Variants in RHCG observed in about 807,000 individuals in gnomAD.
The protein encoded by RHCG is ammonium transporter Rh type C.
In RHCG, 39 loss-of-function variants were observed where a neutral mutation model predicts 55.3. The observed-to-expected ratio is 0.70, with a 90% CI of 0.55 to 0.92. RHCG has a LOEUF of 0.92. Among genes scored for constraint, RHCG ranks in the 40% least tolerant of loss-of-function variants. The pLI, the probability that RHCG is intolerant of heterozygous loss-of-function variation, is 0.00. For synonymous variants in RHCG, 250 were observed against 246.8 expected, an observed-to-expected ratio of 1.01 and a Z score of -0.12; for missense variants, 635 against 627.9, an observed-to-expected ratio of 1.01 and a Z score of -0.12.
At chr15:89,486,377 C>G in intron 2 of RHCG, 1 of 456,802 alleles carries the variant, frequency 2.2e-6, no homozygotes, top group East Asian at 6.9e-5. Context: ...TGCGGTCTCT[C>G]AGGACACAGG....
At chr15:89,486,600 G>GTGTA in intron 2 of RHCG, 199 bp downstream of exon 2, 3 of 367,098 alleles carry the variant, frequency 8.2e-6, no homozygotes, top group Non-Finnish European at 1.6e-5. Context: ...GAGAGAGAGA[G>GTGTA]TGTGTGTGTG....
chr15:89,477,754 T>C lies in RHCG; in HGVS notation c.975+83A>G, dbSNP rs1382984169. 6.2e-7 allele frequency: 1 copy of C among 1,603,064 alleles called. No individual in the cohort carries two copies. The highest frequency in any genetic ancestry group is 8.5e-7 in the Non-Finnish European group (1 of 1,172,636). On this transcript the variant is annotated intron_variant, in intron 6 of 10. Transcript: ENST00000268122. The surrounding 1 kb of genome is among the most constrained non-coding windows in gnomAD (Gnocchi z 4.5). ...CAGGATTCTCTAGCCCTCAGCCCCCTCCCTAGGAACCCTCAGCTCACTGTC... is the reference window on the plus strand; with the variant it reads ...CAGGATTCTCTAGCCCTCAGCCCCCCCCCTAGGAACCCTCAGCTCACTGTC...
intron 9 of RHCG, among the ~76,000 whole-genome samples, chr15:89,474,869 C>A (rs1450503191): frequency 7.5e-6 from 1 of 133,880 alleles, no homozygotes; most frequent in African/African-American, 3.3e-5. Flanking sequence ...TTCCTTCCTG[C>A]CTGCCTTCCT....
intron 2 of RHCG, among the ~76,000 whole-genome samples, chr15:89,484,370 C>T (rs1961322086): frequency 6.6e-6 from 1 of 152,164 alleles, no homozygotes; most frequent in South Asian, 2.1e-4. Flanking sequence ...AAGACAGGCA[C>T]TGTCATTAGC....
In RHCG at chr15:89,479,482, A is replaced by T; in HGVS notation, c.677T>A (p.Leu226His). 6.2e-7 allele frequency: 1 copy of T among 1,612,098 alleles called. No individual in the cohort carries two copies. The highest frequency in any genetic ancestry group is 1.3e-5 in the African/African-American group (1 of 75,030). The change falls in exon 5 of 11, where the codon CTC becomes CAC. Residue 226 changes from leucine (L) to histidine (H), a missense_variant. By Grantham distance (99) the Leu-to-His change is moderately conservative. Coordinates refer to ENST00000268122, the MANE Select transcript of RHCG (RefSeq NM_016321.3). ...QSDLFAMIGT[L>H]FLWMYWPSFN... is the part of the protein sequence containing the mutation. ...GCTGGGCCAGTACATCCACAGGAAG[A>T]GGGTGCCTGGTCAGACCAGACAGGC...
At chr15:89,475,787 T>C (rs1961137158) in intron 9 of RHCG, among the ~76,000 whole-genome samples, 1 of 152,158 alleles carries the variant, frequency 6.6e-6, no homozygotes, top group South Asian at 2.1e-4. Context: ...CAAGTCTCTG[T>C]GGGCTGGGGC....
intron 4 of RHCG, 69 bp from the exon 5 acceptor site, chr15:89,479,557 A>G: frequency 7.0e-7 from 1 of 1,419,384 alleles, no homozygotes; most frequent in East Asian, 2.5e-5. Flanking sequence ...CAGCTCAGGC[A>G]GGCATCCTGT....
At position 89,484,915 on chromosome 15, in the gene RHCG, A is replaced by T. The variant is rs137904751; in HGVS notation, c.372-1698T>A. ...GCTTGGGCAGGGCCTGAAGAGGGGC[A>T]CTTTCTACAGTGACAGGTGGGACTT... On this transcript the variant is annotated intron_variant, in intron 2 of 10. Transcript: ENST00000268122. 1.1e-3 allele frequency among the ~76,000 whole-genome samples: 174 copies of T among 152,240 alleles called. 1 individual carries two copies. The highest frequency in any genetic ancestry group is 7.9e-3 in the Admixed American group (120 of 15,280).
chr15:89,488,820 A>G (rs1245259342), intron 1 of RHCG, among the ~76,000 whole-genome samples: 9 of 152,092 alleles, frequency 5.9e-5, no homozygotes. Context: ...CCATTGAGAA[A>G]ATCAGATATA....
At chr15:89,494,619 C>T (rs898561881) in intron 1 of RHCG, among the ~76,000 whole-genome samples, 51 of 151,714 alleles carry the variant, frequency 3.4e-4, no homozygotes, top group African/African-American at 1.2e-3. Flanking sequence ...GTCTCTCTCT[C>T]TCTCTCTCAT....
intron 1 of RHCG, among the ~76,000 whole-genome samples, chr15:89,489,674 C>T (rs953921913): frequency 3.3e-5 from 5 of 152,146 alleles, no homozygotes; most frequent in African/African-American, 7.2e-5. Flanking sequence ...CTCAGTCCCA[C>T]ACTCTAGGGT....
At chr15:89,480,529 C>T in intron 3 of RHCG, 121 bp from the exon 4 acceptor site, 1 of 1,204,174 alleles carries the variant, frequency 8.3e-7, no homozygotes, top group Non-Finnish European at 1.2e-6. Context: ...CTTCAGGGTG[C>T]AGGATGGAGC....
At position 89,472,735 on chromosome 15, in the gene RHCG, C is replaced by G. The variant is rs1477092503; in HGVS notation, c.1440G>C (p.Ter480TyrextTer157). The G allele has an allele frequency of 1.9e-6, 3 of 1,608,204 alleles. No individual in the cohort carries two copies. The South Asian group carries it at 3.3e-5, about 18-fold the overall frequency. The change falls in exon 10 of 11, where the codon TAG becomes TAC. Residue 480 changes from the stop codon to tyrosine, a stop_lost. Coordinates refer to ENST00000268122, the MANE Select transcript of RHCG (RefSeq NM_016321.3). The stretch of plus-strand genomic sequence containing the variant: ...CCTGCTCCTCACCTGCCCTGGGAGC[C>G]TAGGGTACCAAGGGTACCGAGGAAG... ...PMASSVPLVP[*>Y]
At chr15:89,489,867 G>A (rs1650374570) in intron 1 of RHCG, among the ~76,000 whole-genome samples, 1 of 152,026 alleles carries the variant, frequency 6.6e-6, no homozygotes, top group African/African-American at 2.4e-5. Flanking sequence ...TTTCTTTCAC[G>A]GTTCTTGTTA....
intron 1 of RHCG, among the ~76,000 whole-genome samples, chr15:89,487,610 C>A (rs1454507419): frequency 1.3e-5 from 2 of 152,172 alleles, no homozygotes; most frequent in East Asian, 3.8e-4. Context: ...GATACACATC[C>A]CCGCATCCCT....
intron 1 of RHCG, 141 bp from the exon 2 acceptor site, chr15:89,487,126 T>TCCCCGA (rs1203731792): frequency 1.5e-6 from 1 of 681,312 alleles, no homozygotes; most frequent in African/African-American, 1.9e-5. Context: ...CTAACCCGGT[T>TCCCCGA]CCCCCACCCC....
rs147759584 is a variant in RHCG, at chr15:89,490,692, G to A, written c.185-3707C>T. Reference sequence around the variant, plus strand: ...GTTGGCAGGATGACAGGATGGCAGCGCTGTTGACAAACACAAGGCAGTGGG... The same window carrying A: ...GTTGGCAGGATGACAGGATGGCAGCACTGTTGACAAACACAAGGCAGTGGG... On this transcript the variant is annotated intron_variant, in intron 1 of 10. Transcript: ENST00000268122. Among the ~76,000 whole-genome samples, 30 of 152,122 alleles carry A rather than the reference G, an allele frequency of 2.0e-4. No individual in the cohort carries two copies. The East Asian group carries it at 2.7e-3, about 14-fold the overall frequency.
intron 2 of RHCG, chr15:89,486,429 C>G (rs1024603225): frequency 4.4e-6 from 2 of 459,388 alleles, no homozygotes; most frequent in African/African-American, 2.0e-5. Context: ...GGACCCTGCC[C>G]CCAGAGGAAA....
intron 8 of RHCG, 110 bp from the exon 9 acceptor site, chr15:89,476,938 A>G: frequency 1.9e-6 from 3 of 1,543,700 alleles, no homozygotes; most frequent in Non-Finnish European, 2.7e-6. Context: ...CTGAGTTCCA[A>G]ATTGTCCCAG....
Sources: allele counts gnomAD v4.1 joint callset (sites outside exome capture counted in the v4.1 genomes callset), GRCh38; gene constraint gnomAD v4.1.1; non-coding constraint Gnocchi (gnomAD v3.1); transcripts MANE v1.5; gene names NCBI Gene and HGNC (gene_info 2026-07-23, HGNC 2026-07-21).